The following DIP2C variants were observed in gnomAD, a reference collection of about 807,000 sequenced individuals.
The protein encoded by DIP2C is DIP2 acetate--CoA ligase C (putative), also known as disco-interacting protein 2 homolog C.
DIP2C carries 33 observed loss-of-function variants against 192.4 expected under a neutral mutation model. The ratio of observed to expected loss-of-function variants is 0.17; its 90% CI spans 0.13 to 0.23. The LOEUF is 0.23. Among genes scored for constraint, DIP2C ranks in the 10% least tolerant of loss-of-function variants. DIP2C has a pLI of 1.00. For synonymous variants in DIP2C, 979 were observed against 864.1 expected, an observed-to-expected ratio of 1.13 and a Z score of -2.33; for missense variants, 1,537 against 2,110.1, an observed-to-expected ratio of 0.73 and a Z score of 5.32.
chr10:645,330 G>A (rs1406879469), intron 1 of DIP2C, among the ~76,000 whole-genome samples: 1 of 152,164 alleles, frequency 6.6e-6, no homozygotes, highest in Non-Finnish European at 1.5e-5. Context: ...ACGGCTGCAG[G>A]GGGTGTGGTG....
chr10:579,731 GCATA>G (rs759595946), intron 1 of DIP2C, among the ~76,000 whole-genome samples: 14 of 151,746 alleles, frequency 9.2e-5, no homozygotes, highest in South Asian at 4.2e-4. Flanking sequence ...TATCAATACA[GCATA>G]CATAGGTACA....
intron 30 of DIP2C, among the ~76,000 whole-genome samples, chr10:328,153 G>C (rs373205680): frequency 2.0e-5 from 3 of 152,196 alleles, no homozygotes; most frequent in Non-Finnish European, 2.9e-5. Context: ...CGCACAGCTC[G>C]AGCTGGCTTT....
At chr10:521,881 C>G (rs943875555) in intron 1 of DIP2C, among the ~76,000 whole-genome samples, 2 of 152,128 alleles carry the variant, frequency 1.3e-5, no homozygotes, top group Non-Finnish European at 2.9e-5. Context: ...ATCATTCCCC[C>G]ACCCCCACCG....
intron 1 of DIP2C, among the ~76,000 whole-genome samples, chr10:550,549 AT>A (rs149731580): frequency 6.6e-6 from 1 of 152,234 alleles, no homozygotes; most frequent in Non-Finnish European, 1.5e-5. Context: ...ACATTCTCCC[AT>A]TTAAAAATGT....
intron 1 of DIP2C, among the ~76,000 whole-genome samples, chr10:678,259 C>T (rs530502406): frequency 3.2e-4 from 48 of 152,288 alleles, no homozygotes; most frequent in Admixed American, 2.7e-3. Context: ...TATGCCCAGA[C>T]TGGAACCTAT....
intron 24 of DIP2C, among the ~76,000 whole-genome samples, chr10:352,938 C>T (rs1367801764): frequency 6.6e-6 from 1 of 152,116 alleles, no homozygotes; most frequent in East Asian, 1.9e-4. Context: ...TCCATTTTCC[C>T]ATGAACTCCG....
At chr10:520,622 T>TG (rs1649790092) in intron 1 of DIP2C, among the ~76,000 whole-genome samples, 1 of 152,192 alleles carries the variant, frequency 6.6e-6, no homozygotes, top group African/African-American at 2.4e-5. Flanking sequence ...AGCAGCTCCC[T>TG]GCTCTGCCTG....
chr10:416,467 C>T (rs1193549020), intron 6 of DIP2C, among the ~76,000 whole-genome samples: 1 of 152,124 alleles, frequency 6.6e-6, no homozygotes, highest in Non-Finnish European at 1.5e-5. Flanking sequence ...AGACTGAGCT[C>T]CTCACACGCG....
chr10:380,955 GCA>G (rs1010474231), intron 17 of DIP2C, among the ~76,000 whole-genome samples: 2 of 152,140 alleles, frequency 1.3e-5, no homozygotes, highest in Non-Finnish European at 2.9e-5. Flanking sequence ...TGAAACCCCC[GCA>G]CAGAGGGAAG....
At position 463,227 on chromosome 10, in the gene DIP2C, A is replaced by G. The variant is rs2133388088; in HGVS notation, c.268+9212T>C. On this transcript the variant is annotated intron_variant, in intron 3 of 36. Coordinates refer to ENST00000280886, the MANE Select transcript of DIP2C (RefSeq NM_014974.3). ...GTCAAATTGTTTCTGTTTACAGATG[A>G]CATGATTGTTATTTAGAAAACCCCA... 2.0e-5 allele frequency among the ~76,000 whole-genome samples: 3 copies of G among 152,368 alleles called. 1 individual carries two copies. The Middle Eastern group carries it at 0.01, about 518-fold the overall frequency.
Position 277,274 on chromosome 10 carries a change from G to T in DIP2C, c.*51C>A. 1 of 1,598,464 alleles carries T rather than the reference G, an allele frequency of 6.3e-7. No homozygotes were observed. The highest frequency in any genetic ancestry group is 1.1e-5 in the South Asian group (1 of 89,246). ...GTGTCTGCACGCTTCAGTGGACACG[G>T]AGAACAATGTCTACATCTCTAGAAA... On this transcript the variant is annotated 3_prime_UTR_variant, in exon 37 of 37. Transcript: ENST00000280886.
At chr10:635,214 C>T (rs1271819583) in intron 1 of DIP2C, among the ~76,000 whole-genome samples, 1 of 152,190 alleles carries the variant, frequency 6.6e-6, no homozygotes, top group Non-Finnish European at 1.5e-5. Flanking sequence ...GTGATTGGGC[C>T]AAAAAACAAG....
chr10:641,236 G>A (rs1329185307), intron 1 of DIP2C, among the ~76,000 whole-genome samples: 4 of 152,088 alleles, frequency 2.6e-5, no homozygotes. Flanking sequence ...CCCTAGGTGA[G>A]TCTGTGACTG....
intron 1 of DIP2C, among the ~76,000 whole-genome samples, chr10:585,059 G>A (rs897476011): frequency 8.0e-5 from 12 of 149,470 alleles, no homozygotes; most frequent in East Asian, 6.0e-4. Context: ...CAGGGCCCAC[G>A]ACCTGGCCCC....
chr10:660,667 T>C (rs1258851694), intron 1 of DIP2C, among the ~76,000 whole-genome samples: 1 of 152,232 alleles, frequency 6.6e-6, no homozygotes, highest in Non-Finnish European at 1.5e-5. Context: ...TTCAAGCATA[T>C]TAAAGCTGAT....
chr10:329,637 C>G (rs1407697047), intron 29 of DIP2C, 36 bp from the exon 30 acceptor site: 2 of 433,824 alleles, frequency 4.6e-6, no homozygotes, highest in African/African-American at 4.2e-5. Flanking sequence ...GGCGGGAGCT[C>G]AGCAAGGCTG....
At chr10:679,567 TC>T (rs1484346051) in intron 1 of DIP2C, among the ~76,000 whole-genome samples, 6 of 52,460 alleles carry the variant, frequency 1.1e-4, no homozygotes, top group Non-Finnish European at 2.3e-4. Flanking sequence ...CCCGCACCCA[TC>T]CTCCCCCCAC....
intron 13 of DIP2C, among the ~76,000 whole-genome samples, chr10:388,628 C>CAG (rs1372426442): frequency 6.6e-6 from 1 of 152,232 alleles, no homozygotes; most frequent in African/African-American, 2.4e-5. Context: ...CTTGGAGGCG[C>CAG]AGGGGGCAGT....
At chr10:339,847 C>T (rs1353221556) in intron 29 of DIP2C, among the ~76,000 whole-genome samples, 2 of 152,164 alleles carry the variant, frequency 1.3e-5, no homozygotes, top group Non-Finnish European at 2.9e-5. Flanking sequence ...TTTAATACAA[C>T]TTAATACTAT....
Sources: allele counts gnomAD v4.1 joint callset (sites outside exome capture counted in the v4.1 genomes callset), GRCh38; gene constraint gnomAD v4.1.1; transcripts MANE v1.5; gene names NCBI Gene and HGNC (gene_info 2026-07-23, HGNC 2026-07-21).